FARS2: variants seen among roughly 807,000 people sequenced by gnomAD.
FARS2 encodes the protein phenylalanyl-tRNA synthetase 2, mitochondrial, also known as phenylalanine--tRNA ligase, mitochondrial.
A neutral mutation model predicts 46.4 loss-of-function variants in FARS2; 40 were observed. The observed-to-expected ratio is 0.86, with a 90% CI of 0.67 to 1.12. The LOEUF is 1.12. Ranked by LOEUF, FARS2 falls within the 50% of genes most tolerant of loss-of-function variation. The pLI is 0.00. For missense variants in FARS2, 513 were observed against 567.9 expected, an observed-to-expected ratio of 0.90 and a Z score of 0.98; for synonymous variants, 234 against 214.9, an observed-to-expected ratio of 1.09 and a Z score of -0.78.
At chr6:5,524,468 G>A (rs1192891094) in intron 4 of FARS2, among the ~76,000 whole-genome samples, 2 of 152,234 alleles carry the variant, frequency 1.3e-5, no homozygotes, top group Admixed American at 6.5e-5. Flanking sequence ...GGATATGAGT[G>A]ATTTGTTCAC....
chr6:5,283,600 C>T (rs993144885), intron 1 of FARS2, among the ~76,000 whole-genome samples: 1 of 150,952 alleles, frequency 6.6e-6, no homozygotes, highest in Non-Finnish European at 1.5e-5. Context: ...GATGAAAAAT[C>T]AGCTTCTCTC....
intron 6 of FARS2, among the ~76,000 whole-genome samples, chr6:5,728,824 T>C (rs529662142): frequency 6.6e-6 from 1 of 152,328 alleles, no homozygotes; most frequent in Admixed American, 6.5e-5. Flanking sequence ...CTTTCCTCTC[T>C]CAGCCACTGC....
intron 6 of FARS2, among the ~76,000 whole-genome samples, chr6:5,723,676 CGT>C (rs1760058744): frequency 6.6e-6 from 1 of 152,136 alleles, no homozygotes; most frequent in Non-Finnish European, 1.5e-5. Context: ...TTTTGTTTTG[CGT>C]GTGAGGAAAA....
At chr6:5,345,389 G>A (rs1757163802) in intron 1 of FARS2, among the ~76,000 whole-genome samples, 4 of 152,170 alleles carry the variant, frequency 2.6e-5, no homozygotes, top group Admixed American at 2.6e-4. Flanking sequence ...ACCCAGGACT[G>A]CAGAGATTGT....
chr6:5,390,249 G>T (rs865797230), intron 2 of FARS2, among the ~76,000 whole-genome samples: 1 of 152,182 alleles, frequency 6.6e-6, no homozygotes, highest in Non-Finnish European at 1.5e-5. Context: ...TTCCCTGTGA[G>T]GTAAGGCCAG....
At chr6:5,700,714 C>T (rs1459978048) in intron 6 of FARS2, among the ~76,000 whole-genome samples, 1 of 152,184 alleles carries the variant, frequency 6.6e-6, no homozygotes, top group Non-Finnish European at 1.5e-5. Flanking sequence ...ACTGCTTCAC[C>T]TCCACCTGTG....
intron 1 of FARS2, among the ~76,000 whole-genome samples, chr6:5,345,931 T>C (rs1757201411): frequency 6.6e-6 from 1 of 152,236 alleles, no homozygotes; most frequent in African/African-American, 2.4e-5. Flanking sequence ...ATTTTTCAAA[T>C]GCCTTGTCAC....
At chr6:5,409,904 C>G (rs1373133391) in intron 3 of FARS2, among the ~76,000 whole-genome samples, 2 of 152,094 alleles carry the variant, frequency 1.3e-5, no homozygotes, top group Non-Finnish European at 2.9e-5. Context: ...TGAGCTTGTC[C>G]CCGACCGTGT....
At chr6:5,757,622 C>T (rs1216008453) in intron 6 of FARS2, among the ~76,000 whole-genome samples, 1 of 152,188 alleles carries the variant, frequency 6.6e-6, no homozygotes, top group African/African-American at 2.4e-5. Context: ...TGACCGCAAA[C>T]GTCAGATAAT....
intron 6 of FARS2, among the ~76,000 whole-genome samples, chr6:5,621,745 A>G (rs1421751995): frequency 6.6e-6 from 1 of 152,216 alleles, no homozygotes; most frequent in East Asian, 1.9e-4. Flanking sequence ...TGTTGCCAGG[A>G]TAGACCCACT....
chr6:5,415,786 C>CTG (rs2127739941), intron 3 of FARS2, among the ~76,000 whole-genome samples: 1 of 152,318 alleles, frequency 6.6e-6, no homozygotes, highest in Non-Finnish European at 1.5e-5. Context: ...CAGCTCACTG[C>CTG]ATCCTTGACC....
At position 5,441,630 on chromosome 6, in the gene FARS2, A is replaced by G. The variant is rs192921412; in HGVS notation, c.904+10458A>G. On this transcript the variant is annotated intron_variant, in intron 4 of 6. Transcript: ENST00000274680. ...TTATATTCTACTGGATGAATGTTCC[A>G]TAGTTCATTCATCCATTCTTTAATG... Among the ~76,000 whole-genome samples the G allele has an allele frequency of 5.1e-3, 774 of 152,264 alleles. 2 individuals carry two copies. The highest frequency in any genetic ancestry group is 0.017 in the African/African-American group (716 of 41,532).
intron 2 of FARS2, among the ~76,000 whole-genome samples, chr6:5,396,397 A>G (rs1562009956): frequency 6.6e-6 from 1 of 152,160 alleles, no homozygotes; most frequent in Non-Finnish European, 1.5e-5. Context: ...GTAAAAAATC[A>G]TTTGGCTACA....
At chr6:5,525,731 T>C (rs150069444) in intron 4 of FARS2, among the ~76,000 whole-genome samples, 51 of 152,380 alleles carry the variant, frequency 3.3e-4, no homozygotes, top group African/African-American at 1.2e-3. Context: ...TGGATCAAGA[T>C]GTTTAACTTT....
chr6:5,283,126 A>T (rs527557075), intron 1 of FARS2, among the ~76,000 whole-genome samples: 8 of 152,220 alleles, frequency 5.3e-5, no homozygotes, highest in Middle Eastern at 3.4e-3. Flanking sequence ...TAATCCCAGC[A>T]TTTTGGGAGG....
chr6:5,554,586 C>G (rs1771549240), intron 5 of FARS2, among the ~76,000 whole-genome samples: 1 of 152,184 alleles, frequency 6.6e-6, no homozygotes, highest in Admixed American at 6.5e-5. Flanking sequence ...CACTATTCAC[C>G]TGTACATTAA....
intron 1 of FARS2, among the ~76,000 whole-genome samples, chr6:5,336,016 A>T (rs1433715734): frequency 6.6e-6 from 1 of 152,168 alleles, no homozygotes; most frequent in East Asian, 1.9e-4. Flanking sequence ...CCACTTGCCC[A>T]CTGTCTTTCT....
chr6:5,506,904 A>G (rs1164612601), intron 4 of FARS2, among the ~76,000 whole-genome samples: 1 of 152,228 alleles, frequency 6.6e-6, no homozygotes, highest in Non-Finnish European at 1.5e-5. Flanking sequence ...GAGAGAGGCT[A>G]AGAGGCTAAC....
chr6:5,442,209 A>G lies in FARS2; in HGVS notation c.904+11037A>G, dbSNP rs188860112. ...TGAACACAATTTTATATATTTATTT[A>G]ACATTTATTGTTTTTCTTTTGTTCA... On this transcript the variant is annotated intron_variant, in intron 4 of 6. Transcript: ENST00000274680. 9.9e-4 allele frequency among the ~76,000 whole-genome samples: 151 copies of G among 152,284 alleles called. 1 individual carries two copies. The highest frequency in any genetic ancestry group is 3.6e-3 in the African/African-American group (148 of 41,562).
Sources: allele counts gnomAD v4.1 joint callset (sites outside exome capture counted in the v4.1 genomes callset), GRCh38; gene constraint gnomAD v4.1.1; transcripts MANE v1.5; gene names NCBI Gene and HGNC (gene_info 2026-07-23, HGNC 2026-07-21).